ZZEF1: variants seen among roughly 807,000 people sequenced by gnomAD.
ZZEF1 encodes the protein zinc finger ZZ-type and EF-hand domain containing 1.
Under a neutral mutation model 342.8 loss-of-function variants are expected in ZZEF1, and 157 were observed. That is an observed-to-expected ratio of 0.46 (90% confidence interval 0.40 to 0.52). The LOEUF (loss-of-function observed/expected upper bound fraction) is 0.52, where lower values mean the gene tolerates loss of function less well. ZZEF1 is among the 20% of genes least tolerant of loss of function. ZZEF1 has a pLI of 0.00. For synonymous variants in ZZEF1, 1,505 were observed against 1,429.1 expected, an observed-to-expected ratio of 1.05 and a Z score of -1.20; for missense variants, 3,480 against 3,725.6, an observed-to-expected ratio of 0.93 and a Z score of 1.72.
chr17:4,012,882 G>C (rs2056001077), intron 52 of ZZEF1, among the ~76,000 whole-genome samples: 1 of 152,074 alleles, frequency 6.6e-6, no homozygotes, highest in Non-Finnish European at 1.5e-5. Context: ...TAAATACCTA[G>C]TAATAAATTT....
intron 6 of ZZEF1, among the ~76,000 whole-genome samples, chr17:4,107,849 G>T (rs1167635111): frequency 6.6e-6 from 1 of 152,158 alleles, no homozygotes; most frequent in Non-Finnish European, 1.5e-5. Context: ...CCCTGATTCA[G>T]AAAAATGGCT....
intron 6 of ZZEF1, among the ~76,000 whole-genome samples, chr17:4,106,849 T>G (rs568743944): frequency 6.6e-6 from 1 of 152,192 alleles, no homozygotes; most frequent in South Asian, 2.1e-4. Flanking sequence ...ATTCTACAAC[T>G]GATAGTCGCT....
At chr17:4,076,825 A>G (rs766739826) in intron 20 of ZZEF1, 43 bp downstream of exon 20, 24 of 1,612,264 alleles carry the variant, frequency 1.5e-5, no homozygotes, top group Non-Finnish European at 1.9e-5. Flanking sequence ...CAGACCCCCA[A>G]CCCCCTTCCG....
intron 11 of ZZEF1, among the ~76,000 whole-genome samples, chr17:4,092,027 G>C (rs1198418521): frequency 6.7e-6 from 1 of 150,168 alleles, no homozygotes; most frequent in East Asian, 2.0e-4. Flanking sequence ...GGTGAGCCAA[G>C]ATCGTGCCAC....
rs777123255 is a variant in ZZEF1, at chr17:4,022,737, C to T, written c.7184G>A (p.Ser2395Asn). ...CAGGTCCCGGAGGAGCCACGTTTTACTAAAGCCAGTCCCTTTGCTGCACTT... is the reference window on the plus strand; with the variant it reads ...CAGGTCCCGGAGGAGCCACGTTTTATTAAAGCCAGTCCCTTTGCTGCACTT... ...VKKCSKGTGFSKTWLLRDLEI... is the reference protein window; with the variant it reads ...VKKCSKGTGFNKTWLLRDLEI... Residue 2395 changes from serine (S) to asparagine (N), a missense_variant, in exon 44 of 55, where the codon AGT (serine) becomes AAT (asparagine). Coordinates refer to ENST00000381638, the MANE Select transcript of ZZEF1 (RefSeq NM_015113.4). 83 of 1,613,850 alleles carry T rather than the reference C, an allele frequency of 5.1e-5. No individual in the cohort carries two copies. The highest frequency in any genetic ancestry group is 6.9e-5 in the Non-Finnish European group (82 of 1,180,008).
chr17:4,090,983 C>T (rs145957587), intron 11 of ZZEF1, among the ~76,000 whole-genome samples, 153 bp from the exon 12 acceptor site: 49 of 152,358 alleles, frequency 3.2e-4, no homozygotes, highest in Non-Finnish European at 6.0e-4. Context: ...CCTGTGAGCA[C>T]ATGAGACAGT....
In ZZEF1 at chr17:4,136,339, G is replaced by A. The variant is rs1382296871; in HGVS notation, c.354+6203C>T. Among the ~76,000 whole-genome samples the A allele has an allele frequency of 4.1e-4, 19 of 46,160 alleles. No homozygotes were observed. The Middle Eastern group carries it at 0.036, about 88-fold the overall frequency. 30.3% of individuals were successfully genotyped at this position (46,160 alleles called of 152,430 possible). A position where few individuals can be genotyped will look rare whatever the true frequency, so the allele number is the denominator to read the frequency against. On this transcript the variant is annotated intron_variant, in intron 1 of 54. Coordinates refer to ENST00000381638, the MANE Select transcript of ZZEF1 (RefSeq NM_015113.4). ...AGCCTGGGCGACAGAGTGAGACTCC[G>A]TCTCAAAAAAAAAAAAACAAAGACA...
At chr17:4,030,095 A>G (rs1388924886) in intron 42 of ZZEF1, among the ~76,000 whole-genome samples, 10 of 151,976 alleles carry the variant, frequency 6.6e-5, no homozygotes, top group African/African-American at 2.2e-4. Flanking sequence ...ACAAAGCCAG[A>G]AGAAATAAGG....
Position 4,014,451 on chromosome 17 carries a change from T to A in ZZEF1, c.8210A>T (p.Glu2737Val). The A allele has an allele frequency of 1.2e-6, 2 of 1,614,224 alleles. No individual in the cohort carries two copies. Among genetic ancestry groups the A allele is most frequent in the Non-Finnish European group, 1.7e-6 (2 of 1,180,046 alleles). Residue 2737 changes from glutamate to valine, a missense_variant, in exon 50 of 55, where the codon GAG becomes GTG. Glu to Val is a moderately radical substitution (Grantham distance 121). Transcript: ENST00000381638. The surrounding 1 kb of genome is among the most constrained non-coding windows in gnomAD (Gnocchi z 4.4). ...SIKFDSQCNT[E>V]EGCDELAMSS... ...CATGGCTAACTCGTCACAGCCCTCC[T>A]CTGTGTTGCACTGAGAGTCGAATTT...
Position 4,016,303 on chromosome 17 carries a change from C to A in ZZEF1, c.8145+20G>T, listed in dbSNP as rs1339227884. ...CTGCGGCTCAGTCGCTCTTATGGGG[C>A]CTGCCGGCCCCAGGCTTACCTCGAA... On this transcript the variant is annotated intron_variant, in intron 49 of 54. Coordinates refer to ENST00000381638, the MANE Select transcript of ZZEF1 (RefSeq NM_015113.4). This position sits in a 1 kb window ranked among gnomAD's most constrained non-coding sequence, Gnocchi z 4.4. 6.2e-7 allele frequency: 1 copy of A among 1,604,078 alleles called. No homozygotes were observed. Among genetic ancestry groups the A allele is most frequent in the Admixed American group, 1.7e-5 (1 of 57,338 alleles).
At chr17:4,111,122 T>C (rs1316120979) in intron 5 of ZZEF1, among the ~76,000 whole-genome samples, 3 of 152,224 alleles carry the variant, frequency 2.0e-5, no homozygotes, top group East Asian at 3.8e-4. Context: ...TAAAAAGATA[T>C]GTATAGATTT....
At chr17:4,117,932 A>T (rs944464916) in intron 2 of ZZEF1, among the ~76,000 whole-genome samples, 1 of 152,206 alleles carries the variant, frequency 6.6e-6, no homozygotes, top group Non-Finnish European at 1.5e-5. Context: ...TTTTACAACC[A>T]ATAAGGTGCT....
At chr17:4,072,831 A>C in intron 24 of ZZEF1, 75 bp from the exon 25 acceptor site, 1 of 1,435,320 alleles carries the variant, frequency 7.0e-7, no homozygotes, top group Non-Finnish European at 9.4e-7. Context: ...TGAGAAAGAA[A>C]AGGTTAAAAA....
At chr17:4,058,225 G>C in intron 31 of ZZEF1, 70 bp from the exon 32 acceptor site, 1 of 1,488,034 alleles carries the variant, frequency 6.7e-7, no homozygotes, top group Non-Finnish European at 9.0e-7. Context: ...AGCAATTCAA[G>C]TAGGTGACCT....
intron 37 of ZZEF1, among the ~76,000 whole-genome samples, chr17:4,047,697 C>T (rs1342293812): frequency 6.7e-6 from 1 of 149,402 alleles, no homozygotes; most frequent in Admixed American, 6.7e-5. Context: ...AATCCCAGCA[C>T]TTTGGGAGGC....
At chr17:4,078,237 T>C (rs2603033) in intron 18 of ZZEF1, among the ~76,000 whole-genome samples, 195 bp from the exon 19 acceptor site, 139,494 of 152,184 alleles carry the variant, frequency 0.92, 65,195 homozygotes, top group East Asian at 1. Context: ...TCCAGCTTTT[T>C]GGAACCTTTA....
intron 11 of ZZEF1, among the ~76,000 whole-genome samples, chr17:4,092,076 CA>C (rs764233105): frequency 8.1e-4 from 24 of 29,690 alleles, no homozygotes; most frequent in African/African-American, 1.9e-3. Flanking sequence ...AACTCCACCT[CA>C]AAAAAAAAAA....
chr17:4,140,797 G>C (rs1229577736), intron 1 of ZZEF1, among the ~76,000 whole-genome samples: 1 of 151,950 alleles, frequency 6.6e-6, no homozygotes, highest in East Asian at 1.9e-4. Context: ...AGTTCTGCAT[G>C]GTTCTTCCCA....
intron 39 of ZZEF1, among the ~76,000 whole-genome samples, chr17:4,040,536 G>A (rs765404753): frequency 2.6e-5 from 4 of 152,026 alleles, no homozygotes; most frequent in South Asian, 2.1e-4. Context: ...CACTTTATTC[G>A]GAAGAGAAGG....
Sources: gnomAD v4.1 joint callset for allele counts (sites outside exome capture counted in the v4.1 genomes callset) on GRCh38, gnomAD v4.1.1 for gene constraint, Gnocchi (gnomAD v3.1) non-coding constraint, MANE v1.5 for transcripts, NCBI Gene and HGNC (gene_info 2026-07-23, HGNC 2026-07-21) for gene names.